Variants in ARL15 observed in about 807,000 individuals in gnomAD.
ARL15 encodes ARF like GTPase 15.
Under a neutral mutation model 25.2 loss-of-function variants are expected in ARL15, and 19 were observed. That is an observed-to-expected ratio of 0.75 (90% confidence interval 0.53 to 1.10). The LOEUF (loss-of-function observed/expected upper bound fraction) is 1.10. Among genes scored for constraint, ARL15 ranks in the 50% least tolerant of loss-of-function variants. The probability of loss-of-function intolerance (pLI) is 0.00; values close to 1 mark genes in which losing one functional copy is unlikely to be tolerated. For synonymous variants in ARL15, 94 were observed against 86.8 expected, an observed-to-expected ratio of 1.08 and a Z score of -0.46; for missense variants, 220 against 246.0, an observed-to-expected ratio of 0.89 and a Z score of 0.71.
At chr5:53,964,414 C>T (rs1411231441) in intron 4 of ARL15, among the ~76,000 whole-genome samples, 1 of 152,076 alleles carries the variant, frequency 6.6e-6, no homozygotes. Flanking sequence ...TGCTGGAGTG[C>T]AGTGGCGTGA....
rs1561135627 is a variant in ARL15, at chr5:53,886,424, G to A, written c.*137C>T. On this transcript the variant is annotated 3_prime_UTR_variant, in exon 5 of 5. Transcript: ENST00000504924. ...GATCTACAGAATATTCACTTTAATAGAGAGATGAGAGTCTGAAATGACCAG... is the reference window on the plus strand; with the variant it reads ...GATCTACAGAATATTCACTTTAATAAAGAGATGAGAGTCTGAAATGACCAG... 1 of 879,344 alleles carries A rather than the reference G, an allele frequency of 1.1e-6. No individual in the cohort carries two copies. Among genetic ancestry groups the A allele is most frequent in the South Asian group, 1.9e-5 (1 of 51,732 alleles). 54.5% of individuals were successfully genotyped at this position (879,344 alleles called of 1,614,324 possible).
intron 4 of ARL15, among the ~76,000 whole-genome samples, chr5:54,107,808 A>G (rs921060921): frequency 2.0e-5 from 3 of 152,170 alleles, no homozygotes; most frequent in Non-Finnish European, 4.4e-5. Flanking sequence ...TAACTTTATT[A>G]CCCTCACCTA....
intron 4 of ARL15, among the ~76,000 whole-genome samples, chr5:54,029,367 A>ACCACCC: frequency 8.3e-6 from 1 of 120,896 alleles, no homozygotes; most frequent in Non-Finnish European, 1.7e-5. Flanking sequence ...CACCACCACC[A>ACCACCC]CCACCACCAC....
At chr5:54,111,117 T>C (rs1319640686) in intron 4 of ARL15, among the ~76,000 whole-genome samples, 1 of 152,064 alleles carries the variant, frequency 6.6e-6, no homozygotes, top group African/African-American at 2.4e-5. Context: ...TGCACCTGTA[T>C]GGTATATGTT....
chr5:54,106,194 T>C (rs1465502320), intron 4 of ARL15, among the ~76,000 whole-genome samples: 1 of 152,198 alleles, frequency 6.6e-6, no homozygotes, highest in African/African-American at 2.4e-5. Context: ...TTTAAAACTA[T>C]GTATTAACAT....
intron 1 of ARL15, among the ~76,000 whole-genome samples, chr5:54,244,048 C>T (rs1388314566): frequency 5.9e-5 from 9 of 152,198 alleles, no homozygotes; most frequent in Admixed American, 1.3e-4. Context: ...CATCTTCCCT[C>T]TCTGGGCCTG....
intron 4 of ARL15, among the ~76,000 whole-genome samples, chr5:53,975,587 C>T (rs1029372890): frequency 5.3e-5 from 8 of 152,334 alleles, no homozygotes; most frequent in Middle Eastern, 3.4e-3. Flanking sequence ...GCAATACTTG[C>T]TGGCTTTATT....
chr5:54,241,205 G>A (rs1371203290), intron 1 of ARL15, among the ~76,000 whole-genome samples: 3 of 151,998 alleles, frequency 2.0e-5, no homozygotes. Context: ...AAATAAGCCA[G>A]CAGAACAACC....
chr5:54,088,928 C>T (rs957851319), intron 4 of ARL15, among the ~76,000 whole-genome samples: 10 of 152,100 alleles, frequency 6.6e-5, no homozygotes, highest in African/African-American at 2.4e-4. Flanking sequence ...TGGCTGGGAA[C>T]AAAGTAGATC....
rs140777376 is a variant in ARL15 at position 54,021,207 on chromosome 5, T to C, written c.462+91995A>G. On this transcript the variant is annotated intron_variant, in intron 4 of 4. Transcript: ENST00000504924. ...AAAATTAGCTGGGTGTGGTGGCACA[T>C]GCCTGTAATCCCAGGTACTTGGGAG... Among the ~76,000 whole-genome samples the C allele has an allele frequency of 7.4e-3, 1,118 of 151,526 alleles. 6 individuals carry two copies. Among genetic ancestry groups the C allele is most frequent in the African/African-American group, 0.021 (885 of 41,312 alleles).
chr5:54,177,722 C>T lies in ARL15; in HGVS notation c.49-5794G>A, dbSNP rs560589656. Among the ~76,000 whole-genome samples the T allele has an allele frequency of 4.3e-4, 66 of 152,220 alleles. 2 individuals carry two copies. In the South Asian group the frequency reaches 0.013, roughly 30 times the overall value. ...CTCTATATTTCTACCTTAATGACTC[C>T]GGCCACCCTCCAAATCACCACTATT... On this transcript the variant is annotated intron_variant, in intron 1 of 4. Coordinates refer to ENST00000504924, the MANE Select transcript of ARL15 (RefSeq NM_019087.3).
At chr5:54,065,755 C>T (rs1415084456) in intron 4 of ARL15, among the ~76,000 whole-genome samples, 3 of 152,126 alleles carry the variant, frequency 2.0e-5, no homozygotes, top group Admixed American at 1.3e-4. Flanking sequence ...ATAAAATGTA[C>T]ATTACATTTC....
At chr5:54,197,433 A>G (rs955969973) in intron 1 of ARL15, among the ~76,000 whole-genome samples, 1 of 152,178 alleles carries the variant, frequency 6.6e-6, no homozygotes, top group Non-Finnish European at 1.5e-5. Flanking sequence ...GAAGATAATT[A>G]AAACTAATCC....
chr5:54,201,376 T>C (rs1164751404), intron 1 of ARL15, among the ~76,000 whole-genome samples: 2 of 152,154 alleles, frequency 1.3e-5, no homozygotes, highest in Non-Finnish European at 2.9e-5. Context: ...ATTCTTTCCT[T>C]GGTCAAACTT....
At chr5:54,157,273 C>A (rs932903275) in intron 2 of ARL15, among the ~76,000 whole-genome samples, 21 of 152,208 alleles carry the variant, frequency 1.4e-4, no homozygotes, top group Non-Finnish European at 1.8e-4. Flanking sequence ...GTGCAAAATA[C>A]AACTTTTGAA....
chr5:54,302,876 AACACCTGGG>A (rs1758651466), intron 1 of ARL15, among the ~76,000 whole-genome samples: 1 of 151,766 alleles, frequency 6.6e-6, no homozygotes, highest in African/African-American at 2.4e-5. Flanking sequence ...GACTCATCCA[AACACCTGGG>A]ACATTGGGAC....
At chr5:53,961,126 G>A (rs956796165) in intron 4 of ARL15, among the ~76,000 whole-genome samples, 3 of 152,046 alleles carry the variant, frequency 2.0e-5, no homozygotes, top group African/African-American at 7.2e-5. Context: ...GTTATGGTTA[G>A]GCTTGAAATT....
chr5:54,197,802 C>T (rs1425405265), intron 1 of ARL15, among the ~76,000 whole-genome samples: 1 of 152,030 alleles, frequency 6.6e-6, no homozygotes, highest in East Asian at 1.9e-4. Context: ...TTTATGAGGC[C>T]AGCATCATCC....
At position 54,041,731 on chromosome 5, in the gene ARL15, T is replaced by C. The variant is rs572996217; in HGVS notation, c.462+71471A>G. 5.3e-5 allele frequency among the ~76,000 whole-genome samples: 8 copies of C among 152,334 alleles called. No homozygotes were observed. The East Asian group carries it at 1.5e-3, about 29-fold the overall frequency. ...GCGTTAGATGGCATCTTTCATTTCATAGTTGGAATTGAAAGCATCCATAGA... is the reference window on the plus strand; with the variant it reads ...GCGTTAGATGGCATCTTTCATTTCACAGTTGGAATTGAAAGCATCCATAGA... On this transcript the variant is annotated intron_variant, in intron 4 of 4. Coordinates refer to ENST00000504924, the MANE Select transcript of ARL15 (RefSeq NM_019087.3).
Sources: allele counts gnomAD v4.1 joint callset (sites outside exome capture counted in the v4.1 genomes callset), GRCh38; gene constraint gnomAD v4.1.1; transcripts MANE v1.5; gene names NCBI Gene and HGNC (gene_info 2026-07-23, HGNC 2026-07-21).